PALM3: variants seen among roughly 807,000 people sequenced by gnomAD.
PALM3 encodes the protein paralemmin-3.
In PALM3, 20 loss-of-function variants were observed where a neutral mutation model predicts 27.9. That is an observed-to-expected ratio of 0.72 (90% CI 0.50 to 1.04). The LOEUF (loss-of-function observed/expected upper bound fraction) is 1.04. Among genes scored for constraint, PALM3 ranks in the 50% least tolerant of loss-of-function variants. The pLI is 0.00. For synonymous variants in PALM3, 328 were observed against 352.7 expected, an observed-to-expected ratio of 0.93 and a Z score of 0.79; for missense variants, 814 against 869.4, an observed-to-expected ratio of 0.94 and a Z score of 0.80.
At position 14,053,701 on chromosome 19, in the gene PALM3, G is replaced by T. The variant is rs781227922; in HGVS notation, c.1971C>A (p.Tyr657Ter). 4 of 1,502,984 alleles carry T rather than the reference G, an allele frequency of 2.7e-6. No homozygotes were observed. Among genetic ancestry groups the T allele is most frequent in the South Asian group, 1.3e-5 (1 of 75,234 alleles). 93.1% of individuals were successfully genotyped at this position (1,502,984 alleles called of 1,614,324 possible). A position where few individuals can be genotyped will look rare whatever the true frequency, so the allele number is the denominator to read the frequency against. ...ATGGCTCAGGCTGCCGGGCAGGCGC[G>T]TAGGTGGGCACAGGGTGGGCACTGG... The part of the protein sequence containing the change: ...ANPSAHPVPT[Y>*]APARQPEPSA... Residue 657 changes from tyrosine to a stop codon, truncating the protein, a stop_gained, in exon 7 of 7, where the codon TAC becomes TAA. Transcript: ENST00000669674. LOFTEE classifies it high-confidence loss of function.
chr19:14,053,792 G>A lies in PALM3; in HGVS notation c.1880C>T (p.Thr627Ile). 2 of 1,544,128 alleles carry A rather than the reference G, an allele frequency of 1.3e-6. No individual in the cohort carries two copies. The highest frequency in any genetic ancestry group is 1.7e-6 in the Non-Finnish European group (2 of 1,143,456). Residue 627 changes from threonine (T) to isoleucine (I), a missense_variant, in exon 7 of 7, where the codon ACC (threonine) becomes ATC (isoleucine). Transcript: ENST00000669674. ...LGDATPLLAETPAPEQPAECQ... is the reference protein window; with the variant it reads ...LGDATPLLAEIPAPEQPAECQ... ...TTCGGCGGGCTGCTCTGGGGCTGGG[G>A]TCTCTGCCAGAAGAGGTGTGGCATC...
chr19:14,061,565 A>C (rs1976414034), intron 1 of PALM3, among the ~76,000 whole-genome samples: 1 of 152,038 alleles, frequency 6.6e-6, no homozygotes, highest in African/African-American at 2.4e-5. Flanking sequence ...CTTCTGTTGG[A>C]TCTCAAGCCT....
At chr19:14,058,198 C>T (rs1021342345) in intron 2 of PALM3, among the ~76,000 whole-genome samples, 1 of 133,228 alleles carries the variant, frequency 7.5e-6, no homozygotes, top group Non-Finnish European at 1.6e-5. Context: ...GGAGTGTAGA[C>T]ATGGAATCTA....
chr19:14,060,410 G>T (rs1976395006), intron 1 of PALM3, among the ~76,000 whole-genome samples: 2 of 151,954 alleles, frequency 1.3e-5, no homozygotes, highest in Admixed American at 1.3e-4. Context: ...ATGACACAGT[G>T]GAGTCAACTC....
In PALM3 at chr19:14,056,645, A is replaced by G. The variant is rs1976309498; in HGVS notation, c.314+17T>C. ...GCTGGGGCAGGGTTCGGGCAGAGCTAGAAGGTCTCCACTCACGTGAACAAA... is the reference window on the plus strand; with the variant it reads ...GCTGGGGCAGGGTTCGGGCAGAGCTGGAAGGTCTCCACTCACGTGAACAAA... On this transcript the variant is annotated intron_variant, in intron 4 of 6. Transcript: ENST00000669674. 1 of 1,551,748 alleles carries G rather than the reference A, an allele frequency of 6.4e-7. No individual in the cohort carries two copies. Among genetic ancestry groups the G allele is most frequent in the Non-Finnish European group, 8.7e-7 (1 of 1,146,988 alleles).
At chr19:14,056,021 A>T (rs1976298018) in intron 5 of PALM3, among the ~76,000 whole-genome samples, 1 of 151,904 alleles carries the variant, frequency 6.6e-6, no homozygotes, top group Admixed American at 6.6e-5. Context: ...TGATTCTCCT[A>T]CCTCAACCTC....
At chr19:14,058,630 G>A (rs2145706060) in intron 2 of PALM3, among the ~76,000 whole-genome samples, 1 of 151,950 alleles carries the variant, frequency 6.6e-6, no homozygotes, top group South Asian at 2.1e-4. Flanking sequence ...GATGGGGTAT[G>A]TAAGTGCGTG....
chr19:14,056,564 TCCTAGACTCA>T, intron 4 of PALM3, 51 bp from the exon 5 acceptor site: 2 of 1,549,336 alleles, frequency 1.3e-6, no homozygotes, highest in Non-Finnish European at 1.7e-6. Flanking sequence ...CTCCTTGGGC[TCCTAGACTCA>T]AGCGACCACC....
At chr19:14,061,485 G>C (rs955581448) in intron 1 of PALM3, among the ~76,000 whole-genome samples, 2 of 152,174 alleles carry the variant, frequency 1.3e-5, no homozygotes, top group African/African-American at 4.8e-5. Flanking sequence ...CGCAAGAGTT[G>C]GTGGCCATTT....
At position 14,056,705 on chromosome 19, in the gene PALM3, G is replaced by C; in HGVS notation, c.271C>G (p.Gln91Glu). The change falls in exon 4 of 7, where the codon CAG becomes GAG. Residue 91 changes from glutamine to glutamate, a missense_variant. Gln to Glu is a conservative substitution (Grantham distance 29, BLOSUM62 2). Transcript: ENST00000669674. ...TSKDPQSPEG[Q>E]AQARIRNLED... ...AGGTTCCGGATTCGGGCCTGAGCCT[G>C]GCCCTCGGGTGACTGGGGGTCCTTC... The C allele has an allele frequency of 6.4e-7, 1 of 1,551,758 alleles. No homozygotes were observed. Among genetic ancestry groups the C allele is most frequent in the Non-Finnish European group, 8.7e-7 (1 of 1,147,000 alleles).
At chr19:14,057,587 A>C (rs1599309601) in intron 2 of PALM3, 156 bp from the exon 3 acceptor site, 1 of 261,860 alleles carries the variant, frequency 3.8e-6, no homozygotes, top group Non-Finnish European at 6.4e-6. Flanking sequence ...GCGGGTCTGC[A>C]CCCAGGGCGG....
At position 14,053,409 on chromosome 19, in the gene PALM3, C is replaced by T. The variant is rs910959635; in HGVS notation, c.*196G>A. 12 of 514,778 alleles carry T rather than the reference C, an allele frequency of 2.3e-5. No homozygotes were observed. The highest frequency in any genetic ancestry group is 9.7e-5 in the African/African-American group (5 of 51,474). The allele number at this position is 514,778 out of a possible 1,614,324, so 31.9% of individuals were successfully genotyped here. On this transcript the variant is annotated 3_prime_UTR_variant, in exon 7 of 7. Transcript: ENST00000669674. Reference sequence around the variant, plus strand: ...TTATTTTCAAGTATAAAGGCTTCATCGCAGAAGGAGGCCAGGGTTACAGGC... The same window carrying T: ...TTATTTTCAAGTATAAAGGCTTCATTGCAGAAGGAGGCCAGGGTTACAGGC...
chr19:14,060,530 G>A (rs1372201091), intron 1 of PALM3, among the ~76,000 whole-genome samples: 1 of 152,126 alleles, frequency 6.6e-6, no homozygotes, highest in Admixed American at 6.6e-5. Context: ...GACTCTAGGA[G>A]GTAAGCTATA....
chr19:14,053,602 G>C lies in PALM3; in HGVS notation c.*3C>G. 1 of 1,451,520 alleles carries C rather than the reference G, an allele frequency of 6.9e-7. No homozygotes were observed. The highest frequency in any genetic ancestry group is 1.5e-5 in the South Asian group (1 of 67,342). 89.9% of individuals were successfully genotyped at this position (1,451,520 alleles called of 1,614,324 possible). On this transcript the variant is annotated 3_prime_UTR_variant, in exon 7 of 7. Coordinates refer to ENST00000669674, the MANE Select transcript of PALM3 (RefSeq NM_001145028.2). ...GCTGGACATGGGGTGGAGGGGCATG[G>C]GTTCACATGACCGCACAACACTGGC...
In PALM3 at chr19:14,053,477, A is replaced by G; in HGVS notation, c.*128T>C. Reference sequence around the variant, plus strand: ...GAAGCCCAGGTTTAGGTGGACGTGCAGGCTAGCTGGCTCCCAGGTGCCATG... The same window carrying G: ...GAAGCCCAGGTTTAGGTGGACGTGCGGGCTAGCTGGCTCCCAGGTGCCATG... On this transcript the variant is annotated 3_prime_UTR_variant, in exon 7 of 7. Transcript: ENST00000669674. 8.9e-7 allele frequency: 1 copy of G among 1,126,432 alleles called. No homozygotes were observed. Among genetic ancestry groups the G allele is most frequent in the South Asian group, 2.3e-5 (1 of 42,698 alleles). 69.8% of individuals were successfully genotyped at this position (1,126,432 alleles called of 1,614,324 possible).
Position 14,053,539 on chromosome 19 carries a change from C to G in PALM3, c.*66G>C, listed in dbSNP as rs1014455044. On this transcript the variant is annotated 3_prime_UTR_variant, in exon 7 of 7. Coordinates refer to ENST00000669674, the MANE Select transcript of PALM3 (RefSeq NM_001145028.2). The stretch of plus-strand genomic sequence containing the variant: ...GGTCCCTGTCTGTGCCTGGGACCCT[C>G]TTCTGGGTGCCAAGAGGCCGAGGTA... The G allele has an allele frequency of 1.2e-4, 166 of 1,427,842 alleles. No homozygotes were observed. The highest frequency in any genetic ancestry group is 1.4e-4 in the Non-Finnish European group (153 of 1,089,182). 88.4% of individuals were successfully genotyped at this position (1,427,842 alleles called of 1,614,324 possible). A position where few individuals can be genotyped will look rare whatever the true frequency, so the allele number is the denominator to read the frequency against.
rs528687293 is a variant in PALM3, at chr19:14,057,248, C to G, written c.171+103G>C. ...CAACGCCCCCAACTGCCCGCTCCCC[C>G]CCAAAAATTGGACAGAGGCTCCTAT... On this transcript the variant is annotated intron_variant, in intron 3 of 6. Transcript: ENST00000669674. The G allele has an allele frequency of 4.3e-5, 35 of 815,024 alleles. 1 individual carries two copies. The highest frequency in any genetic ancestry group is 1.2e-4 in the South Asian group (5 of 40,280). The allele number at this position is 815,024 out of a possible 1,614,324, so 50.5% of individuals were successfully genotyped here.
Position 14,053,894 on chromosome 19 carries a change from T to A in PALM3, c.1778A>T (p.Gln593Leu). 3.2e-6 allele frequency: 5 copies of A among 1,551,604 alleles called. No individual in the cohort carries two copies. The highest frequency in any genetic ancestry group is 4.4e-6 in the Non-Finnish European group (5 of 1,146,926). Residue 593 changes from glutamine to leucine, a missense_variant, in exon 7 of 7, where the codon CAG (glutamine) becomes CTG (leucine). Transcript: ENST00000669674. ...CTCCAGGGCTCCTACTGGCTTCTCC[T>A]GGGGCTGGGGTCCTTCCTTCTCTGG... ...TRPEKEGPQP[Q>L]EKPVGALEEE...
At chr19:14,059,376 T>G (rs1976377782) in intron 1 of PALM3, among the ~76,000 whole-genome samples, 1 of 152,062 alleles carries the variant, frequency 6.6e-6, no homozygotes, top group South Asian at 2.1e-4. Context: ...TCCCTAAATC[T>G]GGCTTTGTCT....
Sources: allele counts gnomAD v4.1 joint callset (sites outside exome capture counted in the v4.1 genomes callset), GRCh38; gene constraint gnomAD v4.1.1; transcripts MANE v1.5; gene names NCBI Gene and HGNC (gene_info 2026-07-23, HGNC 2026-07-21).